MAP2: variants seen among roughly 807,000 people sequenced by gnomAD.
MAP2 encodes the protein microtubule associated protein 2.
MAP2 carries 14 observed loss-of-function variants against 137.6 expected under a neutral mutation model. The ratio of observed to expected loss-of-function variants is 0.10; its 90% CI spans 0.07 to 0.16. The LOEUF (loss-of-function observed/expected upper bound fraction) is 0.16. MAP2 is among the 10% of genes least tolerant of loss of function. The pLI is 1.00. For missense variants in MAP2, 2,088 were observed against 2,191.5 expected, an observed-to-expected ratio of 0.95 and a Z score of 0.94; for synonymous variants, 786 against 782.3, an observed-to-expected ratio of 1.00 and a Z score of -0.08.
intron 3 of MAP2, among the ~76,000 whole-genome samples, chr2:209,600,878 T>C (rs75276557): frequency 4.5e-4 from 68 of 152,338 alleles, no homozygotes; most frequent in African/African-American, 1.6e-3. Flanking sequence ...TGTGACTATG[T>C]AGCCTTTCCT....
chr2:209,691,267 G>C (rs1370648779), intron 7 of MAP2, among the ~76,000 whole-genome samples: 2 of 151,994 alleles, frequency 1.3e-5, no homozygotes. Flanking sequence ...GCACATAGAG[G>C]CTTAAATGGT....
intron 2 of MAP2, among the ~76,000 whole-genome samples, chr2:209,540,093 G>A (rs1161629300): frequency 7.8e-5 from 7 of 90,166 alleles, no homozygotes; most frequent in Non-Finnish European, 1.2e-4. Context: ...AGAGGGAGAC[G>A]TTGTAAAAAA....
chr2:209,440,749 A>G (rs1191634452), intron 1 of MAP2, among the ~76,000 whole-genome samples: 1 of 151,464 alleles, frequency 6.6e-6, no homozygotes, highest in Non-Finnish European at 1.5e-5. Flanking sequence ...ATCTATCCAC[A>G]GTGAACACTT....
At chr2:209,717,163 A>G (rs2068016129) in intron 13 of MAP2, among the ~76,000 whole-genome samples, 1 of 152,186 alleles carries the variant, frequency 6.6e-6, no homozygotes, top group African/African-American at 2.4e-5. Context: ...ATTTATGAAG[A>G]AAAGAGGTTT....
chr2:209,483,507 G>A (rs1271237637), intron 1 of MAP2, among the ~76,000 whole-genome samples: 1 of 152,212 alleles, frequency 6.6e-6, no homozygotes, highest in Non-Finnish European at 1.5e-5. Flanking sequence ...CTACTAGTTT[G>A]AGGCTGCACT....
In MAP2 at chr2:209,434,885, T is replaced by TTATATATATGTTA. The variant is rs1200128731; in HGVS notation, c.-222+10630_-222+10642dup. On this transcript the variant is annotated intron_variant, in intron 1 of 15. Transcript: ENST00000682079. ...ATGTTATATATATGTTATATATATGTTATATATATGTTATATATATATGTT... is the reference window on the plus strand; with the variant it reads ...ATGTTATATATATGTTATATATATGTTATATATATGTTATATATATATGTTATATATATATGTT... Among the ~76,000 whole-genome samples, 550 of 74,526 alleles carry TTATATATATGTTA rather than the reference T, an allele frequency of 7.4e-3. 5 individuals are homozygous for TTATATATATGTTA. The highest frequency in any genetic ancestry group is 0.014 in the Non-Finnish European group (422 of 30,652). The allele number at this position is 74,526 out of a possible 152,430, so 48.9% of individuals were successfully genotyped here.
At chr2:209,424,517 G>C (rs1691980446) in intron 1 of MAP2, among the ~76,000 whole-genome samples, 2 of 152,306 alleles carry the variant, frequency 1.3e-5, no homozygotes, top group East Asian at 3.9e-4. Flanking sequence ...CCCTGGCTTC[G>C]TAGAAGAGCG....
chr2:209,527,980 A>G (rs1279256309), intron 2 of MAP2, among the ~76,000 whole-genome samples: 3 of 152,286 alleles, frequency 2.0e-5, no homozygotes, highest in African/African-American at 7.2e-5. Flanking sequence ...AAAGATTCAT[A>G]TTATACGAAG....
At chr2:209,593,983 T>C (rs972431232) in intron 3 of MAP2, among the ~76,000 whole-genome samples, 12 of 132,726 alleles carry the variant, frequency 9.0e-5, no homozygotes, top group African/African-American at 2.7e-4. Flanking sequence ...ATTATATATA[T>C]ACACACACAC....
chr2:209,475,422 A>G (rs1030059505), intron 1 of MAP2, among the ~76,000 whole-genome samples: 1 of 152,102 alleles, frequency 6.6e-6, no homozygotes, highest in Non-Finnish European at 1.5e-5. Flanking sequence ...CTGAAACTGC[A>G]TTACTTTATA....
intron 2 of MAP2, among the ~76,000 whole-genome samples, chr2:209,515,032 G>A (rs547126251): frequency 4.6e-5 from 7 of 152,212 alleles, no homozygotes; most frequent in African/African-American, 1.7e-4. Flanking sequence ...AAAAATGTTA[G>A]TTGAAAAATC....
chr2:209,684,950 T>C (rs1183332764), intron 7 of MAP2, among the ~76,000 whole-genome samples: 1 of 151,458 alleles, frequency 6.6e-6, no homozygotes, highest in Non-Finnish European at 1.5e-5. Context: ...ACCTGACAAC[T>C]TGTCTGAGTA....
chr2:209,680,254 G>T (rs1383956362), intron 6 of MAP2, among the ~76,000 whole-genome samples: 1 of 152,032 alleles, frequency 6.6e-6, no homozygotes, highest in African/African-American at 2.4e-5. Context: ...GTGAACAAAA[G>T]GTTGTTTAAA....
At chr2:209,600,547 C>A (rs1170721135) in intron 3 of MAP2, among the ~76,000 whole-genome samples, 1 of 152,206 alleles carries the variant, frequency 6.6e-6, no homozygotes, top group African/African-American at 2.4e-5. Context: ...TTCCCCCTAA[C>A]TAGTGTCAAA....
intron 7 of MAP2, among the ~76,000 whole-genome samples, chr2:209,687,676 G>A (rs979352393): frequency 6.6e-6 from 1 of 152,024 alleles, no homozygotes; most frequent in Non-Finnish European, 1.5e-5. Context: ...TGTCTGTGTT[G>A]TCCAGTTCTC....
At chr2:209,726,069 T>G (rs2073854739) in intron 14 of MAP2, among the ~76,000 whole-genome samples, 1 of 152,178 alleles carries the variant, frequency 6.6e-6, no homozygotes, top group Non-Finnish European at 1.5e-5. Flanking sequence ...TTGGAGCTCC[T>G]TTGAAATACG....
At chr2:209,507,546 G>A (rs1211580293) in intron 1 of MAP2, 46 bp from the exon 2 acceptor site, 2 of 151,976 alleles carry the variant, frequency 1.3e-5, no homozygotes, top group Non-Finnish European at 2.9e-5. Context: ...AAGCCAGATT[G>A]TTCAACTGAT....
chr2:209,454,125 G>C (rs1185778091), intron 1 of MAP2, among the ~76,000 whole-genome samples: 1 of 116,850 alleles, frequency 8.6e-6, no homozygotes. Flanking sequence ...ACTCCATCCC[G>C]GGCAACAGAG....
At chr2:209,622,951 AT>A (rs2091549701) in intron 3 of MAP2, among the ~76,000 whole-genome samples, 2 of 152,184 alleles carry the variant, frequency 1.3e-5, no homozygotes, top group South Asian at 4.1e-4. Context: ...TTGGCCAATA[AT>A]TTCCCAATTC....
Sources: gnomAD v4.1 joint callset for allele counts (sites outside exome capture counted in the v4.1 genomes callset) on GRCh38, gnomAD v4.1.1 for gene constraint, MANE v1.5 for transcripts, NCBI Gene and HGNC (gene_info 2026-07-23, HGNC 2026-07-21) for gene names.